FRMD3: variants seen among roughly 807,000 people sequenced by gnomAD.
The protein encoded by FRMD3 is FERM domain containing 3.
Under a neutral mutation model 70.2 loss-of-function variants are expected in FRMD3, and 33 were observed. The ratio of observed to expected loss-of-function variants is 0.47; its 90% CI spans 0.36 to 0.63. The LOEUF is 0.63. Ranked by LOEUF, FRMD3 falls within the 20% of genes least tolerant of loss-of-function variation. The probability of loss-of-function intolerance (pLI) is 0.00; values close to 1 mark genes in which losing one functional copy is unlikely to be tolerated. For synonymous variants in FRMD3, 279 were observed against 255.9 expected, an observed-to-expected ratio of 1.09 and a Z score of -0.86; for missense variants, 632 against 711.4, an observed-to-expected ratio of 0.89 and a Z score of 1.27.
chr9:83,394,833 C>T (rs998060685), intron 1 of FRMD3, among the ~76,000 whole-genome samples: 1 of 152,144 alleles, frequency 6.6e-6, no homozygotes, highest in African/African-American at 2.4e-5. Flanking sequence ...ACAGAAGATG[C>T]CACTGTGTTC....
chr9:83,428,520 C>A (rs1564072822), intron 1 of FRMD3, among the ~76,000 whole-genome samples: 1 of 151,914 alleles, frequency 6.6e-6, no homozygotes. Context: ...CACACACACA[C>A]ACACATATAT....
At position 83,500,497 on chromosome 9, in the gene FRMD3, T is replaced by TGC. The variant is rs200709035; in HGVS notation, c.147+37586_147+37587dup. 2.0e-3 allele frequency among the ~76,000 whole-genome samples: 135 copies of TGC among 68,574 alleles called. 1 individual carries two copies. The highest frequency in any genetic ancestry group is 6.5e-3 in the South Asian group (14 of 2,170). 45.0% of individuals were successfully genotyped at this position (68,574 alleles called of 152,430 possible). ...GCCTGCATAGAGTGCTTGGCGTGTA[T>TGC]GCGCGCACACACACACACACACACA... On this transcript the variant is annotated intron_variant, in intron 1 of 13. Coordinates refer to ENST00000304195, the MANE Select transcript of FRMD3 (RefSeq NM_174938.6).
intron 1 of FRMD3, among the ~76,000 whole-genome samples, chr9:83,488,554 G>A (rs534898137): frequency 2.7e-4 from 41 of 152,272 alleles, no homozygotes; most frequent in African/African-American, 8.9e-4. Flanking sequence ...AGGGGACCCC[G>A]TTTTAAAAAA....
intron 6 of FRMD3, among the ~76,000 whole-genome samples, chr9:83,335,312 C>A (rs1386628873): frequency 6.6e-6 from 1 of 152,234 alleles, no homozygotes; most frequent in African/African-American, 2.4e-5. Flanking sequence ...AACAGCCACT[C>A]ATAGGACTCC....
Position 83,458,000 on chromosome 9 carries a change from C to CAAA in FRMD3, c.148-68295_148-68293dup, listed in dbSNP as rs10555580. On this transcript the variant is annotated intron_variant, in intron 1 of 13. Transcript: ENST00000304195. ...AAAATAAAATGAGCATATTACCTCT[C>CAAA]AAAAAAAAAAAAAAAAAAAAAACAG... 5.5e-3 allele frequency among the ~76,000 whole-genome samples: 481 copies of CAAA among 87,812 alleles called. 14 individuals carry two copies. Among genetic ancestry groups the CAAA allele is most frequent in the East Asian group, 0.017 (52 of 2,972 alleles). The allele number at this position is 87,812 out of a possible 152,430, so 57.6% of individuals were successfully genotyped here.
intron 1 of FRMD3, among the ~76,000 whole-genome samples, chr9:83,493,053 G>T (rs931271631): frequency 6.6e-6 from 1 of 152,062 alleles, no homozygotes; most frequent in Non-Finnish European, 1.5e-5. Flanking sequence ...TGACTTTGGG[G>T]AGGAGAAGCA....
intron 12 of FRMD3, 25 bp from the exon 13 acceptor site, chr9:83,290,752 G>T: frequency 6.4e-7 from 1 of 1,573,434 alleles, no homozygotes; most frequent in Non-Finnish European, 8.6e-7. Flanking sequence ...AAGCCAGACA[G>T]AGTTGGTTTC....
At chr9:83,417,810 A>G (rs1483390270) in intron 1 of FRMD3, among the ~76,000 whole-genome samples, 1 of 152,204 alleles carries the variant, frequency 6.6e-6, no homozygotes, top group Non-Finnish European at 1.5e-5. Flanking sequence ...AGACCAAGAC[A>G]TATAGAAAAC....
At chr9:83,536,411 G>A (rs968146021) in intron 1 of FRMD3, among the ~76,000 whole-genome samples, 3 of 152,128 alleles carry the variant, frequency 2.0e-5, no homozygotes, top group Non-Finnish European at 2.9e-5. Context: ...AGACAGAGGA[G>A]AACTCAACAG....
intron 13 of FRMD3, among the ~76,000 whole-genome samples, chr9:83,267,977 A>C (rs1563983900): frequency 6.6e-6 from 1 of 152,184 alleles, no homozygotes; most frequent in African/African-American, 2.4e-5. Context: ...ACAGATAAGG[A>C]AACGACAACT....
intron 10 of FRMD3, among the ~76,000 whole-genome samples, chr9:83,306,058 A>G (rs1421554625): frequency 3.3e-5 from 5 of 151,990 alleles, no homozygotes; most frequent in South Asian, 4.1e-4. Flanking sequence ...TCTCCTCTCA[A>G]TTTTGTTTTT....
intron 3 of FRMD3, among the ~76,000 whole-genome samples, chr9:83,356,793 T>C (rs1483679655): frequency 5.3e-5 from 8 of 152,008 alleles, no homozygotes; most frequent in South Asian, 4.1e-4. Flanking sequence ...GTTGGTTACA[T>C]GAATAAGTTC....
intron 5 of FRMD3, among the ~76,000 whole-genome samples, chr9:83,339,755 C>T (rs187510196): frequency 1.3e-5 from 2 of 152,284 alleles, no homozygotes; most frequent in Admixed American, 1.3e-4. Flanking sequence ...TATCCATCTT[C>T]CCACAGGAAC....
intron 12 of FRMD3, among the ~76,000 whole-genome samples, chr9:83,291,898 G>A (rs372967843): frequency 6.6e-6 from 1 of 152,192 alleles, no homozygotes; most frequent in Non-Finnish European, 1.5e-5. Flanking sequence ...CAGCAGGAGT[G>A]GGGAACAGCA....
chr9:83,332,986 T>C (rs562250925), intron 6 of FRMD3, among the ~76,000 whole-genome samples: 1 of 152,292 alleles, frequency 6.6e-6, no homozygotes, highest in African/African-American at 2.4e-5. Context: ...ACAAGACAGA[T>C]AACACTTTCT....
At chr9:83,566,727 G>A in the FRMD3 span, among the ~76,000 whole-genome samples, 8 of 152,170 alleles carry the variant, frequency 5.3e-5, no homozygotes, top group Non-Finnish European at 7.4e-5. Flanking sequence ...TTAAAGCTCC[G>A]AAATGATCTC....
At chr9:83,345,725 C>A (rs560912904) in intron 4 of FRMD3, among the ~76,000 whole-genome samples, 1 of 152,056 alleles carries the variant, frequency 6.6e-6, no homozygotes, top group Admixed American at 6.6e-5. Context: ...CCACTGCACT[C>A]CAGCCTGGGT....
At chr9:83,420,835 T>C (rs1480932960) in intron 1 of FRMD3, among the ~76,000 whole-genome samples, 1 of 152,052 alleles carries the variant, frequency 6.6e-6, no homozygotes, top group Non-Finnish European at 1.5e-5. Context: ...CCTCTCACTT[T>C]CCACCGTCAG....
At chr9:83,498,917 C>T (rs1829003146) in intron 1 of FRMD3, among the ~76,000 whole-genome samples, 1 of 152,118 alleles carries the variant, frequency 6.6e-6, no homozygotes, top group African/African-American at 2.4e-5. Flanking sequence ...AAAGGCTTTA[C>T]TGTAAGATCT....
Sources: allele counts gnomAD v4.1 joint callset (sites outside exome capture counted in the v4.1 genomes callset), GRCh38; gene constraint gnomAD v4.1.1; transcripts MANE v1.5; gene names NCBI Gene and HGNC (gene_info 2026-07-23, HGNC 2026-07-21).